The following SLC9C1 variants were observed in gnomAD, a reference collection of about 807,000 sequenced individuals.
SLC9C1 encodes the protein sodium/hydrogen exchanger 10.
A neutral mutation model predicts 140.9 loss-of-function variants in SLC9C1; 97 were observed. That is an observed-to-expected ratio of 0.69 (90% CI 0.58 to 0.82). SLC9C1 has a LOEUF of 0.82. Ranked by LOEUF, SLC9C1 falls within the 40% of genes least tolerant of loss-of-function variation. The pLI, the probability that SLC9C1 is intolerant of heterozygous loss-of-function variation, is 0.00. For synonymous variants in SLC9C1, 440 were observed against 442.6 expected (o/e 0.99, Z 0.07); for missense variants, 1,340 against 1,389.3 (o/e 0.96, Z 0.56).
intron 16 of SLC9C1, among the ~76,000 whole-genome samples, chr3:112,207,700 A>T (rs183513073): frequency 3.9e-5 from 6 of 152,116 alleles, no homozygotes; most frequent in Admixed American, 2.0e-4. Context: ...TCTCCTAGAC[A>T]TTATTAAAAA....
chr3:112,270,226 T>C (rs755318397), intron 6 of SLC9C1, 149 bp from the exon 7 acceptor site: 204 of 708,078 alleles, frequency 2.9e-4, no homozygotes, highest in Admixed American at 4.9e-4. Flanking sequence ...CCCTGGGACA[T>C]ATTGATTTCA....
At chr3:112,238,291 A>G (rs1276970985) in intron 12 of SLC9C1, among the ~76,000 whole-genome samples, 1 of 152,196 alleles carries the variant, frequency 6.6e-6, no homozygotes, top group Non-Finnish European at 1.5e-5. Flanking sequence ...TTCTCGTGCC[A>G]TGGTTTTCAG....
intron 16 of SLC9C1, among the ~76,000 whole-genome samples, chr3:112,206,571 T>G (rs1240647804): frequency 1.3e-5 from 2 of 152,094 alleles, no homozygotes; most frequent in Non-Finnish European, 2.9e-5. Context: ...CCATTCACAA[T>G]AGCAAAGACT....
At position 112,264,242 on chromosome 3, in the gene SLC9C1, A is replaced by T; in HGVS notation, c.980T>A (p.Ile327Lys). The T allele has an allele frequency of 7.4e-7, 1 of 1,349,874 alleles. No individual in the cohort carries two copies. Among genetic ancestry groups the T allele is most frequent in the South Asian group, 1.7e-5 (1 of 59,140 alleles). The allele number at this position is 1,349,874 out of a possible 1,614,324, so 83.6% of individuals were successfully genotyped here. Residue 327 changes from isoleucine (I) to lysine (K), a missense_variant, in exon 9 of 29, where the codon ATA becomes AAA. Ile to Lys is a moderately radical substitution (Grantham distance 102). Transcript: ENST00000305815. ...TAAGTAGATATTTAATGAATAGTAT[A>T]TATCAACAAATTCTATATACAAATA... ...HTYLYIEFVD[I>K]YYSLNIYLTL...
At chr3:112,239,324 A>G (rs1440938429) in intron 12 of SLC9C1, among the ~76,000 whole-genome samples, 1 of 152,200 alleles carries the variant, frequency 6.6e-6, no homozygotes. Context: ...TTAGGGTGGG[A>G]GTGACCCAAT....
At chr3:112,223,314 TAGA>T (rs1337080411) in intron 13 of SLC9C1, among the ~76,000 whole-genome samples, 1 of 152,046 alleles carries the variant, frequency 6.6e-6, no homozygotes, top group Non-Finnish European at 1.5e-5. Context: ...TCTCAAAAAA[TAGA>T]AGAAGAGCAC....
At chr3:112,180,712 G>T (rs766519601) in intron 21 of SLC9C1, 50 bp from the exon 22 acceptor site, 1 of 1,446,756 alleles carries the variant, frequency 6.9e-7, no homozygotes, top group Non-Finnish European at 9.6e-7. Flanking sequence ...TTTAGAAGTG[G>T]TTGGGAATGT....
chr3:112,180,042 C>G (rs1340570127), intron 22 of SLC9C1, among the ~76,000 whole-genome samples: 1 of 152,078 alleles, frequency 6.6e-6, no homozygotes, highest in Non-Finnish European at 1.5e-5. Flanking sequence ...TTCCTGTTAT[C>G]TGTGAGAAAG....
rs534736679 is a variant in SLC9C1, at chr3:112,144,127, A to G, written c.3525-2846T>C. Among the ~76,000 whole-genome samples the G allele has an allele frequency of 6.1e-5, 9 of 148,446 alleles. No homozygotes were observed. In the South Asian group the frequency reaches 1.9e-3, roughly 32 times the overall value. On this transcript the variant is annotated intron_variant, in intron 28 of 28. Transcript: ENST00000305815. ...TCTATGTGTCTGTTTTTGTACCAGTACCATGCTGCTTTGATTACTATGCCT... is the reference window on the plus strand; with the variant it reads ...TCTATGTGTCTGTTTTTGTACCAGTGCCATGCTGCTTTGATTACTATGCCT...
At chr3:112,165,985 C>T (rs1469592117) in intron 26 of SLC9C1, among the ~76,000 whole-genome samples, 1 of 152,226 alleles carries the variant, frequency 6.6e-6, no homozygotes, top group African/African-American at 2.4e-5. Context: ...CCCCCTCCCC[C>T]AGCCTTGTTG....
At chr3:112,240,051 T>A (rs778126196) in intron 11 of SLC9C1, 45 bp from the exon 12 acceptor site, 2 of 1,530,236 alleles carry the variant, frequency 1.3e-6, no homozygotes, top group South Asian at 2.5e-5. Context: ...AACACCACAA[T>A]TTTGATATGG....
intron 26 of SLC9C1, among the ~76,000 whole-genome samples, chr3:112,162,555 T>TTA (rs2075336711): frequency 6.6e-6 from 1 of 152,236 alleles, no homozygotes; most frequent in Admixed American, 6.5e-5. Context: ...TTGGCTCTGT[T>TTA]TATATGCTGG....
chr3:112,231,172 C>T (rs35190226), intron 13 of SLC9C1, among the ~76,000 whole-genome samples, 189 bp downstream of exon 13: 1,807 of 31,734 alleles, frequency 0.057, 16 homozygotes, highest in East Asian at 0.12. Context: ...CTCTTTCTTT[C>T]TTTTTCTTTC....
At chr3:112,207,191 G>C (rs556834010) in intron 16 of SLC9C1, among the ~76,000 whole-genome samples, 1 of 152,166 alleles carries the variant, frequency 6.6e-6, no homozygotes, top group Admixed American at 6.5e-5. Context: ...TTGAAACCTA[G>C]TATAGCTAAG....
intron 23 of SLC9C1, among the ~76,000 whole-genome samples, chr3:112,176,015 C>T (rs1417457522): frequency 2.0e-5 from 3 of 152,188 alleles, no homozygotes; most frequent in Admixed American, 1.3e-4. Context: ...AGGGATCTAA[C>T]CTCCTGCTGA....
chr3:112,231,569 C>T (rs910761117), intron 12 of SLC9C1, 83 bp from the exon 13 acceptor site: 2 of 1,370,142 alleles, frequency 1.5e-6, no homozygotes, highest in Non-Finnish European at 2.0e-6. Flanking sequence ...ATTTTTGTAC[C>T]AGTTTGCATT....
intron 7 of SLC9C1, among the ~76,000 whole-genome samples, chr3:112,267,827 T>C (rs2079966351): frequency 6.6e-6 from 1 of 152,096 alleles, no homozygotes; most frequent in Non-Finnish European, 1.5e-5. Flanking sequence ...ATCATGGACA[T>C]AGGTTCTTTG....
At chr3:112,143,495 G>C (rs1283404216) in intron 28 of SLC9C1, among the ~76,000 whole-genome samples, 1 of 152,166 alleles carries the variant, frequency 6.6e-6, no homozygotes, top group Non-Finnish European at 1.5e-5. Flanking sequence ...GATTAGTCAT[G>C]ATGAGCACTT....
chr3:112,223,207 G>A (rs1449730636), intron 13 of SLC9C1, among the ~76,000 whole-genome samples: 1 of 152,180 alleles, frequency 6.6e-6, no homozygotes, highest in Non-Finnish European at 1.5e-5. Flanking sequence ...GCATGGTGGT[G>A]TCCCTCTGTA....
Sources: gnomAD v4.1 joint callset for allele counts (sites outside exome capture counted in the v4.1 genomes callset) on GRCh38, gnomAD v4.1.1 for gene constraint, MANE v1.5 for transcripts, NCBI Gene and HGNC (gene_info 2026-07-23, HGNC 2026-07-21) for gene names.